Variants in ARSG observed in about 807,000 individuals in gnomAD.
ARSG encodes the protein ASG.
Under a neutral mutation model 50.5 loss-of-function variants are expected in ARSG, and 37 were observed. The ratio of observed to expected loss-of-function variants is 0.73; its 90% CI spans 0.56 to 0.96. The LOEUF (loss-of-function observed/expected upper bound fraction) is 0.96. ARSG is among the 50% of genes least tolerant of loss of function. The pLI is 0.00. For missense variants in ARSG, 629 were observed against 675.3 expected (o/e 0.93, Z 0.76); for synonymous variants, 225 against 254.6 (o/e 0.88, Z 1.11).
chr17:68,329,684 T>C (rs1278984404), intron 2 of ARSG, among the ~76,000 whole-genome samples: 1 of 152,188 alleles, frequency 6.6e-6, no homozygotes, highest in Non-Finnish European at 1.5e-5. Context: ...TAAGAACCCA[T>C]GAAAGGGTTT....
chr17:68,323,437 A>G (rs1486180617), intron 2 of ARSG, among the ~76,000 whole-genome samples: 1 of 152,134 alleles, frequency 6.6e-6, no homozygotes, highest in Non-Finnish European at 1.5e-5. Context: ...TATTGTAAAG[A>G]TGGGCTCTTG....
intron 1 of ARSG, among the ~76,000 whole-genome samples, chr17:68,302,062 G>C (rs1266502140): frequency 6.6e-6 from 1 of 152,124 alleles, no homozygotes; most frequent in Non-Finnish European, 1.5e-5. Flanking sequence ...ACTTTTGTCT[G>C]TTTCATTTAC....
chr17:68,290,837 A>G (rs908373234), upstream of ARSG, among the ~76,000 whole-genome samples: 36 of 152,122 alleles, frequency 2.4e-4, no homozygotes, highest in African/African-American at 7.7e-4. Flanking sequence ...CCGGGACCCA[A>G]CTGTACCAGG....
At chr17:68,418,540 C>T (rs1449651107) in intron 11 of ARSG, among the ~76,000 whole-genome samples, 1 of 149,790 alleles carries the variant, frequency 6.7e-6, no homozygotes, top group Non-Finnish European at 1.5e-5. Flanking sequence ...TGAGATCTAC[C>T]CATTCTCCTA....
At chr17:68,375,110 G>C (rs1023898901) in intron 8 of ARSG, among the ~76,000 whole-genome samples, 5 of 152,188 alleles carry the variant, frequency 3.3e-5, no homozygotes, top group Non-Finnish European at 7.3e-5. Context: ...TATGCAGACA[G>C]TCCCCTGGGG....
chr17:68,282,413 T>C (rs1166441737), intron 1 of ARSG, among the ~76,000 whole-genome samples: 1 of 151,744 alleles, frequency 6.6e-6, no homozygotes, highest in Admixed American at 6.6e-5. Flanking sequence ...AATGACGAGT[T>C]AATGGGTGCA....
At chr17:68,351,835 G>A (rs2078777392) in intron 5 of ARSG, 149 bp downstream of exon 5, 1 of 620,188 alleles carries the variant, frequency 1.6e-6, no homozygotes, top group Non-Finnish European at 2.9e-6. Context: ...ATTTAAATGT[G>A]TTATTTGCAG....
intron 9 of ARSG, among the ~76,000 whole-genome samples, chr17:68,394,086 A>G (rs572594605): frequency 1.3e-5 from 2 of 152,250 alleles, no homozygotes; most frequent in Admixed American, 6.5e-5. Context: ...ATGTCAGAAC[A>G]AAATCAACTG....
At chr17:68,302,630 A>G (rs2076461310) in intron 1 of ARSG, among the ~76,000 whole-genome samples, 1 of 152,106 alleles carries the variant, frequency 6.6e-6, no homozygotes, top group Non-Finnish European at 1.5e-5. Flanking sequence ...TTTACCCCTA[A>G]GCAAGCCTGG....
chr17:68,306,836 A>G (rs2076627993), intron 1 of ARSG, 107 bp from the exon 2 acceptor site: 3 of 152,258 alleles, frequency 2.0e-5, no homozygotes, highest in Admixed American at 2.0e-4. Context: ...TATTTGAATA[A>G]AAACATCTGT....
At chr17:68,295,066 G>A (rs947478541) in intron 1 of ARSG, among the ~76,000 whole-genome samples, 4 of 152,176 alleles carry the variant, frequency 2.6e-5, no homozygotes, top group Non-Finnish European at 5.9e-5. Context: ...TTGGCTCATG[G>A]TCAGGTTCCC....
intron 10 of ARSG, among the ~76,000 whole-genome samples, chr17:68,395,464 T>C (rs1051407227): frequency 1.3e-5 from 2 of 152,182 alleles, no homozygotes; most frequent in Non-Finnish European, 1.5e-5. Flanking sequence ...GGCATGGGCC[T>C]GTAGTCCCAG....
At chr17:68,302,255 G>T (rs2076448139) in intron 1 of ARSG, among the ~76,000 whole-genome samples, 1 of 152,124 alleles carries the variant, frequency 6.6e-6, no homozygotes, top group Non-Finnish European at 1.5e-5. Context: ...CTGATCTGGG[G>T]AGTAAAACAA....
At position 68,271,005 on chromosome 17, in the gene ARSG, T is replaced by A. The variant is rs782545186; in HGVS notation, c.-552+11579T>A. ...ACCCAAAAAATATGCTGCATGACAT[T>A]AGACCCCAGAATTCAGTAGCAAAAG... On this transcript the variant is annotated intron_variant, in intron 1 of 11. Transcript: ENST00000448504. The surrounding 1 kb of genome is among the most constrained non-coding windows in gnomAD (Gnocchi z 5.3). 1.2e-5 allele frequency: 20 copies of A among 1,614,008 alleles called. No individual in the cohort carries two copies. The highest frequency in any genetic ancestry group is 1.7e-5 in the Non-Finnish European group (20 of 1,180,034).
chr17:68,281,831 G>A (rs1004158304), intron 1 of ARSG, among the ~76,000 whole-genome samples: 3 of 151,942 alleles, frequency 2.0e-5, no homozygotes, highest in African/African-American at 4.8e-5. Flanking sequence ...AAACTAGTAC[G>A]GCCAATAAGG....
chr17:68,357,486 G>A (rs907670509), intron 6 of ARSG, among the ~76,000 whole-genome samples: 2 of 152,134 alleles, frequency 1.3e-5, no homozygotes, highest in African/African-American at 4.8e-5. Flanking sequence ...GGCGTTTAGG[G>A]TCCACCAGGA....
upstream of ARSG, among the ~76,000 whole-genome samples, chr17:68,287,700 T>A (rs2075872328): frequency 6.6e-6 from 1 of 152,186 alleles, no homozygotes; most frequent in African/African-American, 2.4e-5. Flanking sequence ...TTTATGCCTT[T>A]ATCATCCTAA....
chr17:68,321,505 G>A lies in ARSG; in HGVS notation c.218+13794G>A, dbSNP rs144053009. On this transcript the variant is annotated intron_variant, in intron 2 of 11. Transcript: ENST00000621439. ...AAAGATTTTAAAAACCTATTTTCAC[G>A]TCCATGCCTTTAAATTATGAATGGA... is the stretch of plus-strand genomic sequence containing the variant. Among the ~76,000 whole-genome samples, 334 of 152,214 alleles carry A rather than the reference G, an allele frequency of 2.2e-3. 2 individuals carry two copies. The highest frequency in any genetic ancestry group is 2.5e-3 in the Admixed American group (38 of 15,300).
rs1555751599 is a variant in ARSG, at chr17:68,278,145, G to A, written c.-552+18719G>A. 1.9e-6 allele frequency: 3 copies of A among 1,614,096 alleles called. No homozygotes were observed. The African/African-American group carries it at 4.0e-5, about 22-fold the overall frequency. On this transcript the variant is annotated intron_variant, in intron 1 of 11. Transcript: ENST00000448504. The stretch of plus-strand genomic sequence containing the variant: ...GATTATCCATGAGATCCTGCTATTG[G>A]ATTCATTAAAACTGTCCATTAAGTC...
Sources: gnomAD v4.1 joint callset for allele counts (sites outside exome capture counted in the v4.1 genomes callset) on GRCh38, gnomAD v4.1.1 for gene constraint, Gnocchi (gnomAD v3.1) non-coding constraint, MANE v1.5 for transcripts, NCBI Gene and HGNC (gene_info 2026-07-23, HGNC 2026-07-21) for gene names.